The following SRMS variants were observed in gnomAD, a reference collection of about 807,000 sequenced individuals.
The protein encoded by SRMS is src-related kinase lacking C-terminal regulatory tyrosine and N-terminal myristylation sites.
In SRMS, 42 loss-of-function variants were observed where a neutral mutation model predicts 43.5. That is an observed-to-expected ratio of 0.97 (90% CI 0.75 to 1.25). The LOEUF (loss-of-function observed/expected upper bound fraction) is 1.25, where lower values mean the gene tolerates loss of function less well. SRMS is among the 50% of genes most tolerant of loss of function. SRMS has a pLI of 0.00. For missense variants in SRMS, 703 were observed against 681.0 expected (o/e 1.03, Z -0.36); for synonymous variants, 316 against 308.2 (o/e 1.03, Z -0.27).
In SRMS at chr20:63,541,468, CCA is replaced by C; in HGVS notation, c.1097_1098del (p.Val366GlyfsTer2). Reference sequence around the variant, plus strand: ...AGCAGCCGGGCCAGGCCGAAGTCAGCCACCTTGCAGGCCAGGCCGTCGTCCAC... The same window carrying C: ...AGCAGCCGGGCCAGGCCGAAGTCAGCCCTTGCAGGCCAGGCCGTCGTCCAC... ...VLVDDGLACK[V>X]ADFGLARLLK... On this transcript the variant is annotated frameshift_variant, in exon 6 of 8. Transcript: ENST00000217188. LOFTEE classifies it high-confidence loss of function. 1 of 1,606,672 alleles carries C rather than the reference CCA, an allele frequency of 6.2e-7. No homozygotes were observed. The highest frequency in any genetic ancestry group is 8.5e-7 in the Non-Finnish European group (1 of 1,178,978).
At chr20:63,543,194 A>T in intron 3 of SRMS, 120 bp downstream of exon 3, 1 of 1,207,948 alleles carries the variant, frequency 8.3e-7, no homozygotes, top group Non-Finnish European at 1.2e-6. Flanking sequence ...AGGCCTGGGC[A>T]GGGCCCTGGA....
In SRMS at chr20:63,542,435, C is replaced by T. The variant is rs748873944; in HGVS notation, c.787+5G>A. On this transcript the variant is annotated splice_donor_5th_base_variant and intron_variant, in intron 4 of 7. Coordinates refer to ENST00000217188, the MANE Select transcript of SRMS (RefSeq NM_080823.4). ...CGGCCGTGGCGCAGGATCTCGGGGC[C>T]TCACCTGACTTGATGACCTTGATCG... 3.1e-6 allele frequency: 5 copies of T among 1,609,998 alleles called. No individual in the cohort carries two copies. The Admixed American group carries it at 5.0e-5, about 16-fold the overall frequency.
In SRMS at chr20:63,540,757, C is replaced by A; in HGVS notation, c.*61G>T. 1.3e-6 allele frequency: 2 copies of A among 1,515,916 alleles called. No homozygotes were observed. Among genetic ancestry groups the A allele is most frequent in the South Asian group, 1.3e-5 (1 of 78,816 alleles). 93.9% of individuals were successfully genotyped at this position (1,515,916 alleles called of 1,614,324 possible). On this transcript the variant is annotated 3_prime_UTR_variant, in exon 8 of 8. Coordinates refer to ENST00000217188, the MANE Select transcript of SRMS (RefSeq NM_080823.4). ...GCAGACCGGCATCCCTTCGAGTTGGCGCTCTGCAGGGAGGAGGGGCTGGCC... is the reference window on the plus strand; with the variant it reads ...GCAGACCGGCATCCCTTCGAGTTGGAGCTCTGCAGGGAGGAGGGGCTGGCC...
Position 63,547,371 on chromosome 20 carries a change from G to C in SRMS, c.93C>G (p.Pro31=). The change falls in exon 1 of 8, where the codon CCC becomes CCG. Residue 31 remains proline (P), a synonymous_variant. Coordinates refer to ENST00000217188, the MANE Select transcript of SRMS (RefSeq NM_080823.4). ...PAGGEPDHGT[P]GSLDPNTDPV... Reference sequence around the variant, plus strand: ...GGTCAGTGTTGGGGTCCAGGGACCCGGGGGTGCCATGGTCCGGCTCGCCGC... The same window carrying C: ...GGTCAGTGTTGGGGTCCAGGGACCCCGGGGTGCCATGGTCCGGCTCGCCGC... The C allele has an allele frequency of 6.3e-7, 1 of 1,574,934 alleles. No individual in the cohort carries two copies. Among genetic ancestry groups the C allele is most frequent in the Non-Finnish European group, 8.6e-7 (1 of 1,160,730 alleles).
Position 63,539,115 on chromosome 20 carries a change from G to A in SRMS, c.*1703C>T, listed in dbSNP as rs1330715897. Among the ~76,000 whole-genome samples, 1 of 152,170 alleles carries A rather than the reference G, an allele frequency of 6.6e-6. No homozygotes were observed. The highest frequency in any genetic ancestry group is 1.5e-5 in the Non-Finnish European group (1 of 68,008). On this transcript the variant is annotated 3_prime_UTR_variant, in exon 8 of 8. Coordinates refer to ENST00000217188, the MANE Select transcript of SRMS (RefSeq NM_080823.4). ...CAGCTCAAGGCCTCAGTGGGCCCAGGTACCAGAACCAGCCCCTCCCCTAGG... is the reference window on the plus strand; with the variant it reads ...CAGCTCAAGGCCTCAGTGGGCCCAGATACCAGAACCAGCCCCTCCCCTAGG...
In SRMS at chr20:63,542,561, C is replaced by A; in HGVS notation, c.666G>T (p.Val222=). The A allele has an allele frequency of 6.2e-7, 1 of 1,611,964 alleles. No homozygotes were observed. Among genetic ancestry groups the A allele is most frequent in the East Asian group, 2.2e-5 (1 of 44,858 alleles). Residue 222 remains valine, a synonymous_variant, in exon 4 of 8, where the codon GTG becomes GTT. Coordinates refer to ENST00000217188, the MANE Select transcript of SRMS (RefSeq NM_080823.4). The part of the protein sequence containing the change: ...CMPQKAPRQD[V]WERPHSEFAL... ...CGAATTCGGAGTGTGGCCGCTCCCACACGTCCTGCCTCGGGGCCTTCTGCA... is the reference window on the plus strand; with the variant it reads ...CGAATTCGGAGTGTGGCCGCTCCCAAACGTCCTGCCTCGGGGCCTTCTGCA...
chr20:63,539,192 A>T lies in SRMS; in HGVS notation c.*1626T>A, dbSNP rs1284728020. Among the ~76,000 whole-genome samples, 1 of 152,180 alleles carries T rather than the reference A, an allele frequency of 6.6e-6. No homozygotes were observed. Among genetic ancestry groups the T allele is most frequent in the Admixed American group, 6.5e-5 (1 of 15,286 alleles). On this transcript the variant is annotated 3_prime_UTR_variant, in exon 8 of 8. Coordinates refer to ENST00000217188, the MANE Select transcript of SRMS (RefSeq NM_080823.4). ...GGTGGCCAGGGTCCCAAAGGCTCAG[A>T]TAAAGCCTCTTGCCTCCACCATCTG...
intron 1 of SRMS, 46 bp from the exon 2 acceptor site, chr20:63,544,394 G>A: frequency 2.1e-6 from 3 of 1,430,226 alleles, no homozygotes; most frequent in Non-Finnish European, 2.7e-6. Context: ...CCCTCAGCCA[G>A]TGGCCCCACA....
intron 3 of SRMS, among the ~76,000 whole-genome samples, chr20:63,543,068 T>C (rs2082712982): frequency 6.6e-6 from 1 of 152,174 alleles, no homozygotes; most frequent in African/African-American, 2.4e-5. Context: ...TGGGCACTGC[T>C]ACAGGTCTCC....
chr20:63,547,400 C>A lies in SRMS; in HGVS notation c.64G>T (p.Ala22Ser). The A allele has an allele frequency of 6.4e-7, 1 of 1,556,608 alleles. No homozygotes were observed. Among genetic ancestry groups the A allele is most frequent in the Non-Finnish European group, 8.7e-7 (1 of 1,149,778 alleles). ...LSFFWDKIWPAGGEPDHGTPG... is the reference protein window; with the variant it reads ...LSFFWDKIWPSGGEPDHGTPG... ...GTGCCATGGTCCGGCTCGCCGCCCG[C>A]CGGCCAGATCTTGTCCCAGAAGAAG... is the stretch of plus-strand genomic sequence containing the variant. Residue 22 changes from alanine to serine, a missense_variant, in exon 1 of 8, where the codon GCG (alanine) becomes TCG (serine). Ala to Ser is a moderately conservative substitution (Grantham distance 99). Coordinates refer to ENST00000217188, the MANE Select transcript of SRMS (RefSeq NM_080823.4).
At chr20:63,543,049 C>T (rs1337996593) in intron 3 of SRMS, among the ~76,000 whole-genome samples, 11 of 152,222 alleles carry the variant, frequency 7.2e-5, no homozygotes, top group Admixed American at 7.2e-4. Context: ...GGCTGCTCCC[C>T]TGCAGAGCTG....
chr20:63,547,426 G>C lies in SRMS; in HGVS notation c.38C>G (p.Ser13Cys). Residue 13 changes from serine to cysteine, a missense_variant, in exon 1 of 8, where the codon TCC becomes TGC. Transcript: ENST00000217188. The stretch of plus-strand genomic sequence containing the variant: ...CGGCCAGATCTTGTCCCAGAAGAAG[G>C]ACAGGAAGGCCAGCCGCCTCCTGAG... ...PFLRRRLAFL[S>C]FFWDKIWPAG... 2 of 1,544,058 alleles carry C rather than the reference G, an allele frequency of 1.3e-6. No homozygotes were observed. Among genetic ancestry groups the C allele is most frequent in the Non-Finnish European group, 1.8e-6 (2 of 1,142,700 alleles).
At chr20:63,544,416 G>T in intron 1 of SRMS, 68 bp from the exon 2 acceptor site, 1 of 1,400,864 alleles carries the variant, frequency 7.1e-7, no homozygotes. Context: ...GCTCTCCTCC[G>T]TGTTGCCGGC....
At chr20:63,542,119 T>A (rs1465847854) in intron 5 of SRMS, 44 bp downstream of exon 5, 1 of 1,576,278 alleles carries the variant, frequency 6.3e-7, no homozygotes, top group African/African-American at 1.3e-5. Context: ...GAAGGGGCGG[T>A]CGCAGGCGCG....
chr20:63,541,116 C>T (rs926214461), intron 7 of SRMS, 75 bp downstream of exon 7: 14 of 1,559,450 alleles, frequency 9.0e-6, no homozygotes, highest in South Asian at 1.2e-5. Flanking sequence ...AACCCCTTGC[C>T]GACAGCGTCC....
intron 2 of SRMS, 34 bp downstream of exon 2, chr20:63,544,193 G>T: frequency 7.1e-7 from 1 of 1,417,362 alleles, no homozygotes. Flanking sequence ...CTGACCTGGT[G>T]GGGGACAGAG....
Position 63,540,765 on chromosome 20 carries a change from AG to A in SRMS, c.*52del. ...GCATCCCTTCGAGTTGGCGCTCTGC[AG>A]GGAGGAGGGGCTGGCCTGGCTGGAG... On this transcript the variant is annotated 3_prime_UTR_variant, in exon 8 of 8. Transcript: ENST00000217188. 1 of 1,537,492 alleles carries A rather than the reference AG, an allele frequency of 6.5e-7. No individual in the cohort carries two copies. Among genetic ancestry groups the A allele is most frequent in the Non-Finnish European group, 8.7e-7 (1 of 1,144,682 alleles).
At position 63,539,603 on chromosome 20, in the gene SRMS, C is replaced by A. The variant is rs1022831181; in HGVS notation, c.*1215G>T. ...GGGGGCCACAAACAGACCCCACCGG[C>A]CCCCTTGCTTCTTGACGTGTTTCAC... On this transcript the variant is annotated 3_prime_UTR_variant, in exon 8 of 8. Coordinates refer to ENST00000217188, the MANE Select transcript of SRMS (RefSeq NM_080823.4). Among the ~76,000 whole-genome samples the A allele has an allele frequency of 6.6e-6, 1 of 152,208 alleles. No homozygotes were observed. The highest frequency in any genetic ancestry group is 2.1e-4 in the South Asian group (1 of 4,836).
At chr20:63,545,148 C>T (rs868516402) in intron 1 of SRMS, among the ~76,000 whole-genome samples, 2 of 152,112 alleles carry the variant, frequency 1.3e-5, no homozygotes, top group East Asian at 1.9e-4. Context: ...GGAGAGGGGC[C>T]GGCTGGGTCT....
Sources: gnomAD v4.1 joint callset for allele counts (sites outside exome capture counted in the v4.1 genomes callset) on GRCh38, gnomAD v4.1.1 for gene constraint, MANE v1.5 for transcripts, NCBI Gene and HGNC (gene_info 2026-07-23, HGNC 2026-07-21) for gene names.